MCCC1: variants seen among roughly 807,000 people sequenced by gnomAD.
MCCC1 encodes the protein methylcrotonoyl-CoA carboxylase subunit alpha, mitochondrial.
Under a neutral mutation model 83.8 loss-of-function variants are expected in MCCC1, and 64 were observed. The ratio of observed to expected loss-of-function variants is 0.76; its 90% CI spans 0.62 to 0.94. The LOEUF (loss-of-function observed/expected upper bound fraction) is 0.94, where lower values mean the gene tolerates loss of function less well. Ranked by LOEUF, MCCC1 falls within the 40% of genes least tolerant of loss-of-function variation. The pLI is 0.00. For missense variants in MCCC1, 807 were observed against 904.7 expected, an observed-to-expected ratio of 0.89 and a Z score of 1.39; for synonymous variants, 322 against 315.4, an observed-to-expected ratio of 1.02 and a Z score of -0.22.
chr3:183,027,183 A>C (rs567658232), intron 14 of MCCC1, among the ~76,000 whole-genome samples: 2 of 152,290 alleles, frequency 1.3e-5, no homozygotes, highest in South Asian at 4.1e-4. Flanking sequence ...GAACTTCCTC[A>C]ATCAATATTG....
intron 7 of MCCC1, among the ~76,000 whole-genome samples, chr3:183,061,917 G>A (rs1715861105): frequency 6.6e-6 from 1 of 152,198 alleles, no homozygotes; most frequent in Non-Finnish European, 1.5e-5. Context: ...CCCCATGTGT[G>A]GTGGGAGGGA....
At chr3:183,048,340 T>C (rs1714707239) in intron 9 of MCCC1, among the ~76,000 whole-genome samples, 1 of 152,202 alleles carries the variant, frequency 6.6e-6, no homozygotes, top group Non-Finnish European at 1.5e-5. Context: ...AAGACAGAGA[T>C]TGTTGGAGTA....
At chr3:183,113,530 A>G (rs371681214) in intron 1 of MCCC1, among the ~76,000 whole-genome samples, 2 of 151,834 alleles carry the variant, frequency 1.3e-5, no homozygotes, top group African/African-American at 2.4e-5. Context: ...AAACCTGCAC[A>G]TTGTGCACGT....
At chr3:183,101,243 C>T (rs1018811855), upstream of MCCC1, among the ~76,000 whole-genome samples, 1 of 152,256 alleles carries the variant, frequency 6.6e-6, no homozygotes, top group African/African-American at 2.4e-5. Context: ...TGCTCCACGG[C>T]GCCCAGTCCC....
At chr3:183,044,282 C>T (rs1359640847) in intron 10 of MCCC1, among the ~76,000 whole-genome samples, 1 of 151,970 alleles carries the variant, frequency 6.6e-6, no homozygotes, top group Non-Finnish European at 1.5e-5. Flanking sequence ...ATCTATTGTT[C>T]TTATGAGAAC....
intron 15 of MCCC1, 149 bp downstream of exon 15, chr3:183,025,606 T>C (rs1435640909): frequency 6.9e-6 from 5 of 726,000 alleles, no homozygotes; most frequent in African/African-American, 3.5e-5. Flanking sequence ...TTTCCCCAAA[T>C]TGGGTCTGAA....
At chr3:183,105,048 AATAATGT>A (rs1719383448) in intron 1 of MCCC1, among the ~76,000 whole-genome samples, 1 of 152,230 alleles carries the variant, frequency 6.6e-6, no homozygotes, top group Non-Finnish European at 1.5e-5. Context: ...AAACTAATTA[AATAATGT>A]ACATGCAGGC....
rs1711532798 is a variant in MCCC1 at position 183,015,358 on chromosome 3, C to A, written c.*80G>T. 1 of 1,482,752 alleles carries A rather than the reference C, an allele frequency of 6.7e-7. No homozygotes were observed. Among genetic ancestry groups the A allele is most frequent in the African/African-American group, 1.4e-5 (1 of 72,382 alleles). The allele number at this position is 1,482,752 out of a possible 1,614,324, so 91.8% of individuals were successfully genotyped here. A position where few individuals can be genotyped will look rare whatever the true frequency, so the allele number is the denominator to read the frequency against. ...TTTAGTAAAACTGCTCTTTATGAGA[C>A]CCCCAGAAAAGCTGGAGGCACTTCC... On this transcript the variant is annotated 3_prime_UTR_variant, in exon 19 of 19. Transcript: ENST00000265594.
At chr3:183,086,828 T>C (rs753582488) in intron 3 of MCCC1, 40 bp from the exon 4 acceptor site, 2 of 1,552,658 alleles carry the variant, frequency 1.3e-6, no homozygotes, top group African/African-American at 1.4e-5. Flanking sequence ...ACTTTGTGGC[T>C]AGTACATACT....
chr3:183,034,810 T>C (rs544337222), intron 13 of MCCC1, among the ~76,000 whole-genome samples: 17 of 151,312 alleles, frequency 1.1e-4, no homozygotes, highest in Non-Finnish European at 2.1e-4. Flanking sequence ...ACGAGTCTCG[T>C]TCTGTCGCCC....
At chr3:183,056,027 C>A (rs890904075) in intron 8 of MCCC1, among the ~76,000 whole-genome samples, 4 of 151,954 alleles carry the variant, frequency 2.6e-5, no homozygotes, top group African/African-American at 9.7e-5. Context: ...CCTTGAGATT[C>A]CAAGTTAATA....
At chr3:183,096,454 A>G (rs1718743354) in intron 1 of MCCC1, among the ~76,000 whole-genome samples, 1 of 152,206 alleles carries the variant, frequency 6.6e-6, no homozygotes, top group African/African-American at 2.4e-5. Flanking sequence ...GGACTAACTA[A>G]CCATTTTAGA....
intron 9 of MCCC1, among the ~76,000 whole-genome samples, chr3:183,048,070 A>T (rs1714684977): frequency 6.6e-6 from 1 of 152,200 alleles, no homozygotes; most frequent in South Asian, 2.1e-4. Flanking sequence ...TTTCAGCTGC[A>T]TTTTAATCTT....
rs1159692576 is a variant in MCCC1, at chr3:183,045,482, T to C, written c.1014A>G (p.Thr338=). The part of the protein sequence containing the change: ...KHNFCFMEMN[T]RLQVEHPVTE... ...TAACAGGATGTTCCACTTGCAGCCTTGTATTCATCTCCATGAAACAGAAAT... is the reference window on the plus strand; with the variant it reads ...TAACAGGATGTTCCACTTGCAGCCTCGTATTCATCTCCATGAAACAGAAAT... Residue 338 remains threonine (T), a synonymous_variant, in exon 10 of 19, where the codon ACA becomes ACG. Coordinates refer to ENST00000265594, the MANE Select transcript of MCCC1 (RefSeq NM_020166.5). 3 of 1,614,150 alleles carry C rather than the reference T, an allele frequency of 1.9e-6. No homozygotes were observed. The highest frequency in any genetic ancestry group is 1.7e-6 in the Non-Finnish European group (2 of 1,179,972).
chr3:183,021,220 A>G (rs1712136569), intron 16 of MCCC1, among the ~76,000 whole-genome samples: 1 of 152,092 alleles, frequency 6.6e-6, no homozygotes, highest in Non-Finnish European at 1.5e-5. Context: ...TGAGGAAGGT[A>G]CTGTCATTAT....
At chr3:183,076,378 TA>T (rs757841050) in intron 4 of MCCC1, among the ~76,000 whole-genome samples, 149 of 152,366 alleles carry the variant, frequency 9.8e-4, no homozygotes, top group Non-Finnish European at 2.0e-3. Flanking sequence ...TTTCTTTTTA[TA>T]ATATGGATTC....
At position 183,065,253 on chromosome 3, in the gene MCCC1, T is replaced by C. The variant is rs868779980; in HGVS notation, c.761+5746A>G. Among the ~76,000 whole-genome samples, 5 of 152,248 alleles carry C rather than the reference T, an allele frequency of 3.3e-5. No homozygotes were observed. The Middle Eastern group carries it at 0.014, about 414-fold the overall frequency. On this transcript the variant is annotated intron_variant, in intron 7 of 18. Transcript: ENST00000265594. ...ATGAGGTTTCCCCTCTTGTCTTGTA[T>C]GTCCTTGGGAGCTTGACCTTGTAAC...
rs144230304 is a variant in MCCC1 at position 183,092,451 on chromosome 3, C to A, written c.231G>T (p.Ala77=). The change falls in exon 3 of 19, where the codon GCG becomes GCT. Residue 77 remains alanine, a synonymous_variant. Coordinates refer to ENST00000265594, the MANE Select transcript of MCCC1 (RefSeq NM_020166.5). The part of the protein sequence containing the change: ...TAKKLGVQTV[A]VYSEADRNSM... The stretch of plus-strand genomic sequence containing the variant: ...AATTTCTGTCAGCCTCACTATAAAC[C>A]GCCACAGTCTGTACACCCAGTTTTT... 156 of 1,614,050 alleles carry A rather than the reference C, an allele frequency of 9.7e-5. 1 individual carries two copies. The highest frequency in any genetic ancestry group is 1.3e-4 in the Non-Finnish European group (149 of 1,180,050).
chr3:183,027,902 C>G (rs1164881215), intron 14 of MCCC1, among the ~76,000 whole-genome samples: 2 of 152,192 alleles, frequency 1.3e-5, no homozygotes, highest in Non-Finnish European at 2.9e-5. Context: ...GACAGAGGAG[C>G]TGCAGCAAAT....
Sources: gnomAD v4.1 joint callset for allele counts (sites outside exome capture counted in the v4.1 genomes callset) on GRCh38, gnomAD v4.1.1 for gene constraint, MANE v1.5 for transcripts, NCBI Gene and HGNC (gene_info 2026-07-23, HGNC 2026-07-21) for gene names.